The following NXPE1 variants were observed in gnomAD, a reference collection of about 807,000 sequenced individuals.
NXPE1 encodes the protein NXPE family member 1.
In NXPE1, 31 loss-of-function variants were observed where a neutral mutation model predicts 33.3. The observed-to-expected ratio is 0.93, with a 90% CI of 0.70 to 1.26. The LOEUF is 1.26. NXPE1 is among the 50% of genes most tolerant of loss of function. The pLI is 0.00. For missense variants in NXPE1, 661 were observed against 655.6 expected, an observed-to-expected ratio of 1.01 and a Z score of -0.09; for synonymous variants, 229 against 231.4, an observed-to-expected ratio of 0.99 and a Z score of 0.09.
intron 5 of NXPE1, among the ~76,000 whole-genome samples, chr11:114,540,107 C>T (rs1948033212): frequency 6.6e-6 from 1 of 152,212 alleles, no homozygotes; most frequent in African/African-American, 2.4e-5. Context: ...AGACGCCTGC[C>T]ATCATGCCTG....
At chr11:114,524,305 G>T (rs1206808350) in intron 7 of NXPE1, among the ~76,000 whole-genome samples, 1 of 152,230 alleles carries the variant, frequency 6.6e-6, no homozygotes, top group Non-Finnish European at 1.5e-5. Context: ...GGAGAAGGCA[G>T]TGAGTATTGG....
At chr11:114,543,825 G>A (rs991197572) in intron 5 of NXPE1, among the ~76,000 whole-genome samples, 12 of 152,078 alleles carry the variant, frequency 7.9e-5, no homozygotes, top group Admixed American at 3.9e-4. Flanking sequence ...GACTGTCTAC[G>A]TAGAATCTAC....
intron 5 of NXPE1, among the ~76,000 whole-genome samples, chr11:114,544,325 G>A (rs111679664): frequency 0.014 from 2,071 of 152,224 alleles, 38 homozygotes; most frequent in African/African-American, 0.047. Flanking sequence ...CCCACTTCAA[G>A]GCTTATTACA....
chr11:114,544,730 T>C (rs1357455219), intron 5 of NXPE1, among the ~76,000 whole-genome samples: 1 of 152,158 alleles, frequency 6.6e-6, no homozygotes, highest in Non-Finnish European at 1.5e-5. Flanking sequence ...TTAGATTTTA[T>C]TAAAAATTAA....
At chr11:114,525,361 T>A (rs1947337258) in intron 7 of NXPE1, among the ~76,000 whole-genome samples, 1 of 151,950 alleles carries the variant, frequency 6.6e-6, no homozygotes, top group East Asian at 1.9e-4. Context: ...CCTGTGAATA[T>A]GTTGAAGCAG....
chr11:114,550,565 C>T (rs73011935), intron 5 of NXPE1, among the ~76,000 whole-genome samples: 1 of 151,864 alleles, frequency 6.6e-6, no homozygotes, highest in African/African-American at 2.4e-5. Context: ...CTTTCAACAG[C>T]GTAAATTCCA....
At chr11:114,528,973 T>A in intron 6 of NXPE1, 1 of 439,858 alleles carries the variant, frequency 2.3e-6, no homozygotes, top group Non-Finnish European at 4.1e-6. Context: ...GCTTTTACTT[T>A]TCAGAAGGGA....
At chr11:114,552,598 A>G (rs531824) in intron 2 of NXPE1, among the ~76,000 whole-genome samples, 90,906 of 151,784 alleles carry the variant, frequency 0.6, 29,025 homozygotes, top group African/African-American at 0.84. Context: ...GAAGAAATCA[A>G]TCAAGGGGCT....
At chr11:114,540,787 G>T (rs1378666462) in intron 5 of NXPE1, among the ~76,000 whole-genome samples, 2 of 138,666 alleles carry the variant, frequency 1.4e-5, no homozygotes, top group Non-Finnish European at 3.1e-5. Flanking sequence ...TGATGTGTTA[G>T]CCTGAGGGCA....
chr11:114,537,272 G>C (rs921414444), intron 5 of NXPE1, among the ~76,000 whole-genome samples: 2 of 152,080 alleles, frequency 1.3e-5, no homozygotes. Context: ...GTATTGATGG[G>C]ACATATCTCA....
At chr11:114,543,306 A>T in intron 5 of NXPE1, among the ~76,000 whole-genome samples, 1 of 151,816 alleles carries the variant, frequency 6.6e-6, no homozygotes, top group African/African-American at 2.4e-5. Flanking sequence ...CAGTGAGCCA[A>T]GATTGCACCA....
intron 7 of NXPE1, among the ~76,000 whole-genome samples, chr11:114,525,908 C>T (rs1947354887): frequency 6.6e-6 from 1 of 152,220 alleles, no homozygotes; most frequent in Admixed American, 6.5e-5. Flanking sequence ...CTTATTCCAT[C>T]CATTGGTCTC....
At chr11:114,522,935 A>C (rs1329232878) in exon 8 of NXPE1, 1 of 1,613,436 alleles carries the variant, frequency 6.2e-7, no homozygotes, top group African/African-American at 1.3e-5. Flanking sequence ...GTCTCCCAGG[A>C]GGTAAATGAG....
chr11:114,535,572 A>T (rs1422928847), intron 5 of NXPE1, among the ~76,000 whole-genome samples: 1 of 152,210 alleles, frequency 6.6e-6, no homozygotes, highest in Non-Finnish European at 1.5e-5. Context: ...GGCTCAAAAT[A>T]AAGGGATGGA....
At position 114,537,877 on chromosome 11, in the gene NXPE1, A is replaced by G. The variant is rs1392805044; in HGVS notation, c.100-6969T>C. On this transcript the variant is annotated intron_variant, in intron 5 of 8. Coordinates refer to ENST00000534921, the Ensembl canonical transcript of NXPE1. Reference sequence around the variant, plus strand: ...CTGCCCAAGGTAATTTATAGATTCAATGCCATCCCCATCAAGCTACCAATG... The same window carrying G: ...CTGCCCAAGGTAATTTATAGATTCAGTGCCATCCCCATCAAGCTACCAATG... Among the ~76,000 whole-genome samples, 8 of 152,144 alleles carry G rather than the reference A, an allele frequency of 5.3e-5. No homozygotes were observed. The East Asian group carries it at 1.4e-3, about 26-fold the overall frequency.
chr11:114,533,593 T>C (rs191553426), intron 5 of NXPE1, among the ~76,000 whole-genome samples: 16 of 152,314 alleles, frequency 1.1e-4, no homozygotes, highest in African/African-American at 3.8e-4. Flanking sequence ...ACCCTAATAC[T>C]GCGCTTTTCC....
At chr11:114,556,685 A>G (rs1269988948) in intron 1 of NXPE1, among the ~76,000 whole-genome samples, 1 of 151,762 alleles carries the variant, frequency 6.6e-6, no homozygotes. Context: ...CTTTCATATC[A>G]TTTTTTAAAA....
At chr11:114,530,841 G>A in exon 6 of NXPE1, 1 of 1,614,132 alleles carries the variant, frequency 6.2e-7, no homozygotes, top group Non-Finnish European at 8.5e-7. Flanking sequence ...TGATGTTTTA[G>A]GGAATAAGGA....
chr11:114,539,966 C>T (rs573884558), intron 5 of NXPE1, among the ~76,000 whole-genome samples: 6 of 152,178 alleles, frequency 3.9e-5, no homozygotes, highest in East Asian at 1.9e-4. Flanking sequence ...GACCTTAATA[C>T]GAATATTGTA....
Sources: gnomAD v4.1 joint callset for allele counts (sites outside exome capture counted in the v4.1 genomes callset) on GRCh38, gnomAD v4.1.1 for gene constraint, MANE v1.5 for transcripts, NCBI Gene and HGNC (gene_info 2026-07-23, HGNC 2026-07-21) for gene names.